The following INVS variants were observed in gnomAD, a reference collection of about 807,000 sequenced individuals.
INVS encodes the protein inversion of embryo turning homolog.
Under a neutral mutation model 108.8 loss-of-function variants are expected in INVS, and 86 were observed. That is an observed-to-expected ratio of 0.79 (90% CI 0.66 to 0.95). INVS has a LOEUF of 0.95. Ranked by LOEUF, INVS falls within the 40% of genes least tolerant of loss-of-function variation. The pLI is 0.00. For missense variants in INVS, 1,169 were observed against 1,297.4 expected, an observed-to-expected ratio of 0.90 and a Z score of 1.52; for synonymous variants, 455 against 473.5, an observed-to-expected ratio of 0.96 and a Z score of 0.51.
At chr9:100,258,677 G>T (rs1832508423) in intron 10 of INVS, among the ~76,000 whole-genome samples, 1 of 152,160 alleles carries the variant, frequency 6.6e-6, no homozygotes, top group South Asian at 2.1e-4. Context: ...GTTTGCTGGA[G>T]ATCCACTCCA....
chr9:100,099,578 T>C (rs1329307634), intron 1 of INVS, among the ~76,000 whole-genome samples, 162 bp downstream of exon 1: 1 of 152,190 alleles, frequency 6.6e-6, no homozygotes, highest in Non-Finnish European at 1.5e-5. Context: ...ATTCCTGCAT[T>C]ATAAAGTCAG....
At chr9:100,136,752 A>G (rs1432923319) in intron 3 of INVS, among the ~76,000 whole-genome samples, 1 of 152,150 alleles carries the variant, frequency 6.6e-6, no homozygotes. Flanking sequence ...CAGAAAGGAC[A>G]GTCGGGTCTG....
chr9:100,239,550 A>G (rs568224511), intron 5 of INVS, among the ~76,000 whole-genome samples: 23 of 152,310 alleles, frequency 1.5e-4, no homozygotes, highest in African/African-American at 5.5e-4. Context: ...TGGTTATATT[A>G]TTTTCTGTAC....
At chr9:100,192,870 A>G (rs1236445202) in intron 3 of INVS, among the ~76,000 whole-genome samples, 1 of 152,070 alleles carries the variant, frequency 6.6e-6, no homozygotes, top group African/African-American at 2.4e-5. Flanking sequence ...TGTGTGCTCA[A>G]GTCCTTTACC....
At chr9:100,240,893 A>G (rs1330404429) in intron 6 of INVS, among the ~76,000 whole-genome samples, 1 of 151,058 alleles carries the variant, frequency 6.6e-6, no homozygotes, top group African/African-American at 2.4e-5. Flanking sequence ...TATGGATTAG[A>G]TTTGATGTTG....
intron 5 of INVS, among the ~76,000 whole-genome samples, chr9:100,238,637 C>T (rs1003935233): frequency 5.3e-5 from 8 of 152,022 alleles, no homozygotes; most frequent in Non-Finnish European, 5.9e-5. Context: ...TTCTCATCTC[C>T]TTGTCTCTTT....
intron 2 of INVS, among the ~76,000 whole-genome samples, chr9:100,121,822 AATTAAAAGCATTCATTACT>A (rs994162970): frequency 1.3e-5 from 2 of 152,148 alleles, no homozygotes; most frequent in Non-Finnish European, 2.9e-5. Flanking sequence ...CTTCTATTCT[AATTAAAAGCATTCATTACT>A]ATATATTTCC....
At chr9:100,113,347 A>G (rs1827405843) in intron 2 of INVS, among the ~76,000 whole-genome samples, 1 of 152,242 alleles carries the variant, frequency 6.6e-6, no homozygotes, top group African/African-American at 2.4e-5. Flanking sequence ...TCTAGGAGTT[A>G]CACACAACCT....
At chr9:100,189,106 C>CT (rs60762136) in intron 3 of INVS, among the ~76,000 whole-genome samples, 7,426 of 69,622 alleles carry the variant, frequency 0.11, 452 homozygotes, top group Non-Finnish European at 0.13. Flanking sequence ...TTTGCATCTT[C>CT]TTTTTTTTTT....
At chr9:100,270,889 A>G (rs1219436280) in intron 11 of INVS, among the ~76,000 whole-genome samples, 5 of 150,972 alleles carry the variant, frequency 3.3e-5, no homozygotes, top group Middle Eastern at 3.4e-3. Flanking sequence ...GCACCACTAC[A>G]CTCCAGCCTG....
chr9:100,121,473 A>G (rs1281040668), intron 2 of INVS, among the ~76,000 whole-genome samples: 1 of 152,214 alleles, frequency 6.6e-6, no homozygotes, highest in Admixed American at 6.5e-5. Context: ...ATATCTTCCA[A>G]GGAATTTATC....
chr9:100,119,439 G>C (rs1159551004), intron 2 of INVS, among the ~76,000 whole-genome samples: 2 of 152,210 alleles, frequency 1.3e-5, no homozygotes, highest in Admixed American at 6.5e-5. Context: ...TGTATGTCAG[G>C]AATCTAGACA....
At chr9:100,142,952 C>T (rs187020794) in intron 3 of INVS, among the ~76,000 whole-genome samples, 13 of 152,164 alleles carry the variant, frequency 8.5e-5, no homozygotes, top group Admixed American at 7.8e-4. Flanking sequence ...TAGCCGGAGA[C>T]GATAATCAGG....
At chr9:100,258,719 G>A (rs1052005337) in intron 10 of INVS, among the ~76,000 whole-genome samples, 5 of 152,206 alleles carry the variant, frequency 3.3e-5, no homozygotes, top group Admixed American at 2.6e-4. Flanking sequence ...ACCAGCGGAG[G>A]CTGCAGAACA....
At chr9:100,145,810 T>C (rs1381444676) in intron 3 of INVS, among the ~76,000 whole-genome samples, 2 of 152,028 alleles carry the variant, frequency 1.3e-5, no homozygotes, top group Non-Finnish European at 2.9e-5. Context: ...GAGTTTTGGG[T>C]CCACGGATAA....
intron 1 of INVS, among the ~76,000 whole-genome samples, chr9:100,100,983 A>AT (rs1479473403): frequency 2.7e-5 from 2 of 72,750 alleles, no homozygotes; most frequent in Admixed American, 4.6e-4. Context: ...TTATATATAT[A>AT]ATATATATGT....
intron 2 of INVS, among the ~76,000 whole-genome samples, chr9:100,119,898 A>T (rs1045874632): frequency 6.6e-6 from 1 of 152,172 alleles, no homozygotes; most frequent in Non-Finnish European, 1.5e-5. Context: ...TGTCAACCTT[A>T]TTGTTTCTCT....
At chr9:100,248,179 G>T (rs760524435) in intron 8 of INVS, among the ~76,000 whole-genome samples, 3 of 152,094 alleles carry the variant, frequency 2.0e-5, no homozygotes. Flanking sequence ...CTTTATAAAT[G>T]ATCTGAACAT....
intron 3 of INVS, among the ~76,000 whole-genome samples, chr9:100,126,936 C>T (rs553683479): frequency 1.6e-4 from 24 of 152,214 alleles, no homozygotes; most frequent in African/African-American, 5.8e-4. Flanking sequence ...AATTTTTTTA[C>T]TTTTCACTGT....
Sources: allele counts gnomAD v4.1 joint callset (sites outside exome capture counted in the v4.1 genomes callset), GRCh38; gene constraint gnomAD v4.1.1; transcripts MANE v1.5; gene names NCBI Gene and HGNC (gene_info 2026-07-23, HGNC 2026-07-21).